Variants in FARS2 observed in about 807,000 individuals in gnomAD.
FARS2 encodes the protein phenylalanyl-tRNA synthetase 2, mitochondrial.
A neutral mutation model predicts 46.4 loss-of-function variants in FARS2; 40 were observed. The observed-to-expected ratio is 0.86, with a 90% CI of 0.67 to 1.12. FARS2 has a LOEUF of 1.12. Ranked by LOEUF, FARS2 falls within the 50% of genes most tolerant of loss-of-function variation. The pLI, the probability that FARS2 is intolerant of heterozygous loss-of-function variation, is 0.00. For missense variants in FARS2, 513 were observed against 567.9 expected, an observed-to-expected ratio of 0.90 and a Z score of 0.98; for synonymous variants, 234 against 214.9, an observed-to-expected ratio of 1.09 and a Z score of -0.78.
intron 6 of FARS2, among the ~76,000 whole-genome samples, chr6:5,756,510 G>C (rs1762211937): frequency 6.6e-6 from 1 of 152,134 alleles, no homozygotes; most frequent in African/African-American, 2.4e-5. Flanking sequence ...GAGAGAGAGA[G>C]AGCGAGGGGG....
intron 1 of FARS2, among the ~76,000 whole-genome samples, chr6:5,367,289 A>G (rs1239032960): frequency 2.0e-5 from 3 of 152,188 alleles, no homozygotes; most frequent in African/African-American, 7.2e-5. Context: ...TTGAAGTAAA[A>G]CAGCCACATA....
chr6:5,549,312 C>T (rs1771232785), intron 5 of FARS2, among the ~76,000 whole-genome samples: 1 of 152,040 alleles, frequency 6.6e-6, no homozygotes, highest in Admixed American at 6.6e-5. Context: ...GGTATTTCTC[C>T]TAATGTTATC....
intron 4 of FARS2, among the ~76,000 whole-genome samples, chr6:5,477,711 T>C (rs1308905217): frequency 6.6e-6 from 1 of 152,148 alleles, no homozygotes; most frequent in East Asian, 1.9e-4. Context: ...AGTAAGCAAA[T>C]AAATCCATAT....
rs548158819 is a variant in FARS2, at chr6:5,442,899, G to T, written c.904+11727G>T. Among the ~76,000 whole-genome samples, 18 of 152,166 alleles carry T rather than the reference G, an allele frequency of 1.2e-4. No individual in the cohort carries two copies. The South Asian group carries it at 3.7e-3, about 32-fold the overall frequency. ...TTCCATTACTGTAATAAAAATAAAGGCTTTGGCAACTTCTCTCAAGCTGTG... is the reference window on the plus strand; with the variant it reads ...TTCCATTACTGTAATAAAAATAAAGTCTTTGGCAACTTCTCTCAAGCTGTG... On this transcript the variant is annotated intron_variant, in intron 4 of 6. Transcript: ENST00000274680.
At chr6:5,406,632 A>G (rs1452074351) in intron 3 of FARS2, among the ~76,000 whole-genome samples, 1 of 152,184 alleles carries the variant, frequency 6.6e-6, no homozygotes, top group African/African-American at 2.4e-5. Flanking sequence ...TTTGTTAATC[A>G]GTATCCCATT....
chr6:5,476,556 G>GAATGAATA (rs1766134805), intron 4 of FARS2, among the ~76,000 whole-genome samples: 1 of 152,026 alleles, frequency 6.6e-6, no homozygotes, highest in African/African-American at 2.4e-5. Flanking sequence ...ATGAATGAAT[G>GAATGAATA]GAGTGAGGGA....
intron 6 of FARS2, among the ~76,000 whole-genome samples, chr6:5,714,004 A>G (rs1759341225): frequency 6.6e-6 from 1 of 152,222 alleles, no homozygotes; most frequent in Non-Finnish European, 1.5e-5. Context: ...TTTGGAAGCA[A>G]ACTTGAAGGG....
chr6:5,325,443 C>T (rs1377210727), intron 1 of FARS2, among the ~76,000 whole-genome samples: 1 of 152,240 alleles, frequency 6.6e-6, no homozygotes, highest in African/African-American at 2.4e-5. Context: ...GCTTTGCTGC[C>T]TGGGCTGCCT....
chr6:5,522,069 C>A (rs564106463), intron 4 of FARS2, among the ~76,000 whole-genome samples: 1 of 152,312 alleles, frequency 6.6e-6, no homozygotes, highest in South Asian at 2.1e-4. Flanking sequence ...ATAGTCTAGG[C>A]CGCTTCTGTG....
intron 6 of FARS2, among the ~76,000 whole-genome samples, chr6:5,746,670 G>T (rs1381865843): frequency 1.3e-5 from 2 of 151,648 alleles, no homozygotes; most frequent in Non-Finnish European, 2.9e-5. Context: ...TGGGGGTGGG[G>T]GCTGAGCTTC....
chr6:5,438,912 A>G (rs1221709533), intron 4 of FARS2, among the ~76,000 whole-genome samples: 1 of 152,128 alleles, frequency 6.6e-6, no homozygotes, highest in East Asian at 1.9e-4. Flanking sequence ...CCTGTGATTG[A>G]CTTTTGTTAA....
At chr6:5,631,078 C>G (rs924567701) in intron 6 of FARS2, among the ~76,000 whole-genome samples, 1 of 152,142 alleles carries the variant, frequency 6.6e-6, no homozygotes, top group Admixed American at 6.5e-5. Context: ...TGAAATTAGA[C>G]TTGACCTCCA....
intron 4 of FARS2, among the ~76,000 whole-genome samples, chr6:5,456,744 A>AAAAAAAAAAAAG (rs1554187511): frequency 6.7e-6 from 1 of 148,980 alleles, no homozygotes; most frequent in African/African-American, 2.6e-5. Flanking sequence ...AAAAAAAAAA[A>AAAAAAAAAAAAG]AAAAGAGATG....
In FARS2 at chr6:5,369,059, G is replaced by A; in HGVS notation, c.489G>A (p.Leu163=). The change falls in exon 2 of 7, where the codon TTG becomes TTA. Residue 163 remains leucine (L), a synonymous_variant. Coordinates refer to ENST00000274680, the MANE Select transcript of FARS2 (RefSeq NM_006567.5). Reference sequence around the variant, plus strand: ...ACACGTCTGCACACCAGTGGGACTTGCTGCACGCGGGACTGGATGCCTTCC... The same window carrying A: ...ACACGTCTGCACACCAGTGGGACTTACTGCACGCGGGACTGGATGCCTTCC... ...RAHTSAHQWD[L]LHAGLDAFLV... The A allele has an allele frequency of 6.2e-7, 1 of 1,614,066 alleles. No homozygotes were observed. Among genetic ancestry groups the A allele is most frequent in the East Asian group, 2.2e-5 (1 of 44,872 alleles).
At chr6:5,528,113 T>C (rs1350916303) in intron 4 of FARS2, among the ~76,000 whole-genome samples, 2 of 152,178 alleles carry the variant, frequency 1.3e-5, no homozygotes, top group South Asian at 2.1e-4. Flanking sequence ...TTTGGTCAAT[T>C]CATCTTCATT....
chr6:5,265,998 AG>A (rs938862852), intron 1 of FARS2, among the ~76,000 whole-genome samples: 2 of 152,130 alleles, frequency 1.3e-5, no homozygotes, highest in African/African-American at 4.8e-5. Context: ...TGAAGGAATT[AG>A]GGGGCTTCAT....
At chr6:5,545,474 G>C (rs1032893476) in intron 5 of FARS2, 134 bp downstream of exon 5, 7 of 683,286 alleles carry the variant, frequency 1.0e-5, no homozygotes, top group Non-Finnish European at 1.3e-5. Flanking sequence ...TAAGTTCTGG[G>C]ATACATGTGC....
At chr6:5,492,767 GCT>G (rs1767201784) in intron 4 of FARS2, among the ~76,000 whole-genome samples, 2 of 152,230 alleles carry the variant, frequency 1.3e-5, no homozygotes, top group African/African-American at 2.4e-5. Flanking sequence ...AGTTGCAGAG[GCT>G]GATGTGGAGA....
At chr6:5,388,189 C>G in intron 2 of FARS2, among the ~76,000 whole-genome samples, 1 of 152,106 alleles carries the variant, frequency 6.6e-6, no homozygotes, top group East Asian at 1.9e-4. Flanking sequence ...TGAAGCATCC[C>G]CTTTCTTGTG....
Sources: gnomAD v4.1 joint callset for allele counts (sites outside exome capture counted in the v4.1 genomes callset) on GRCh38, gnomAD v4.1.1 for gene constraint, MANE v1.5 for transcripts, NCBI Gene and HGNC (gene_info 2026-07-23, HGNC 2026-07-21) for gene names.